The following ACTN1 variants were observed in gnomAD, a reference collection of about 807,000 sequenced individuals.
ACTN1 encodes the protein actinin alpha 1, also known as alpha-actinin-1.
Under a neutral mutation model 119.6 loss-of-function variants are expected in ACTN1, and 30 were observed. The ratio of observed to expected loss-of-function variants is 0.25; its 90% CI spans 0.19 to 0.34. The LOEUF is 0.34. Ranked by LOEUF, ACTN1 falls within the 10% of genes least tolerant of loss-of-function variation. The pLI is 1.00. For synonymous variants in ACTN1, 429 were observed against 472.6 expected (o/e 0.91, Z 1.20); for missense variants, 764 against 1,223.4 (o/e 0.62, Z 5.60).
chr14:68,893,353 A>T (rs113899959), intron 9 of ACTN1, among the ~76,000 whole-genome samples: 14 of 152,312 alleles, frequency 9.2e-5, no homozygotes, highest in African/African-American at 3.4e-4. Flanking sequence ...CTAAGAGTAC[A>T]CTAGGCTGGA....
At chr14:68,954,265 G>C (rs1259900657) in intron 1 of ACTN1, among the ~76,000 whole-genome samples, 1 of 152,150 alleles carries the variant, frequency 6.6e-6, no homozygotes, top group Non-Finnish European at 1.5e-5. Flanking sequence ...CCCAGGGTTA[G>C]TTAGATATGG....
intron 1 of ACTN1, among the ~76,000 whole-genome samples, chr14:68,955,620 G>A (rs1223222418): frequency 1.3e-5 from 2 of 152,154 alleles, no homozygotes; most frequent in Non-Finnish European, 2.9e-5. Flanking sequence ...AGATGTTTGC[G>A]CTCGGTGGCA....
intron 2 of ACTN1, among the ~76,000 whole-genome samples, chr14:68,921,785 T>C (rs1357946773): frequency 6.6e-6 from 1 of 152,070 alleles, no homozygotes; most frequent in Non-Finnish European, 1.5e-5. Flanking sequence ...TAGCAGCCCA[T>C]CCCCATCTGA....
chr14:68,937,637 G>A (rs754554331), intron 1 of ACTN1, among the ~76,000 whole-genome samples: 3 of 152,164 alleles, frequency 2.0e-5, no homozygotes, highest in Non-Finnish European at 4.4e-5. Flanking sequence ...CTGTGCTCTG[G>A]CCAAGTGACC....
At chr14:68,959,680 C>CAG (rs1286079007) in intron 1 of ACTN1, among the ~76,000 whole-genome samples, 1 of 152,112 alleles carries the variant, frequency 6.6e-6, no homozygotes, top group Non-Finnish European at 1.5e-5. Flanking sequence ...CTCATAGAAG[C>CAG]AGAGAGTAGA....
intron 11 of ACTN1, among the ~76,000 whole-genome samples, chr14:68,888,728 C>T (rs1309407347): frequency 6.6e-6 from 1 of 152,118 alleles, no homozygotes; most frequent in Non-Finnish European, 1.5e-5. Flanking sequence ...TCAGGGGCGG[C>T]ACTGGATTCT....
chr14:68,977,917 A>T (rs2037120359), intron 1 of ACTN1: 2 of 455,110 alleles, frequency 4.4e-6, no homozygotes, highest in South Asian at 3.1e-5. Flanking sequence ...AGGGGTATTC[A>T]GGGTACGTGG....
chr14:68,899,036 C>T (rs2033090378), intron 8 of ACTN1, among the ~76,000 whole-genome samples: 1 of 143,422 alleles, frequency 7.0e-6, no homozygotes, highest in Admixed American at 6.8e-5. Context: ...CACACACACA[C>T]ACATGCCACA....
chr14:68,905,253 G>T (rs2033597332), intron 6 of ACTN1, among the ~76,000 whole-genome samples: 1 of 152,220 alleles, frequency 6.6e-6, no homozygotes, highest in Non-Finnish European at 1.5e-5. Context: ...AATAGCCACA[G>T]CTTTGGACTA....
At chr14:68,888,047 G>A (rs2032169127) in intron 11 of ACTN1, 3 of 727,788 alleles carry the variant, frequency 4.1e-6, no homozygotes, top group Non-Finnish European at 7.8e-6. Flanking sequence ...CTTTTCCTTG[G>A]CGGCTCCTTC....
intron 11 of ACTN1, among the ~76,000 whole-genome samples, chr14:68,888,440 G>A (rs909322551): frequency 3.9e-5 from 6 of 152,136 alleles, no homozygotes; most frequent in South Asian, 2.1e-4. Flanking sequence ...CACTCTGCCC[G>A]TCACGTCTGG....
At chr14:68,947,826 C>T (rs983488647) in intron 1 of ACTN1, among the ~76,000 whole-genome samples, 1 of 152,216 alleles carries the variant, frequency 6.6e-6, no homozygotes, top group East Asian at 1.9e-4. Flanking sequence ...AAATAGCAAT[C>T]CGGAGCAGTG....
At chr14:68,912,438 G>C (rs1028334252) in intron 3 of ACTN1, among the ~76,000 whole-genome samples, 196 bp from the exon 4 acceptor site, 22 of 152,136 alleles carry the variant, frequency 1.4e-4, no homozygotes, top group African/African-American at 5.3e-4. Flanking sequence ...GCGTGCAGTG[G>C]TGCAATCATG....
intron 8 of ACTN1, 51 bp from the exon 9 acceptor site, chr14:68,893,798 C>A: frequency 6.4e-7 from 1 of 1,566,856 alleles, no homozygotes; most frequent in South Asian, 1.1e-5. Context: ...GCAGCAGGGG[C>A]ACCTGGTACA....
At chr14:68,911,080 T>C (rs1183960884) in intron 4 of ACTN1, among the ~76,000 whole-genome samples, 1 of 152,220 alleles carries the variant, frequency 6.6e-6, no homozygotes, top group African/African-American at 2.4e-5. Flanking sequence ...GTGGACTGTG[T>C]TCATGAATGA....
chr14:68,950,462 GTA>G (rs764943291), intron 1 of ACTN1, among the ~76,000 whole-genome samples: 26 of 125,652 alleles, frequency 2.1e-4, no homozygotes, highest in South Asian at 2.2e-4. Flanking sequence ...ATGCGTGTGT[GTA>G]TATATATATA....
intron 11 of ACTN1, 31 bp downstream of exon 11, chr14:68,890,107 TG>T (rs756686168): frequency 5.0e-6 from 8 of 1,607,540 alleles, no homozygotes; most frequent in Non-Finnish European, 6.8e-6. Context: ...AGTGAAGCCC[TG>T]GGGGGAGGCA....
intron 1 of ACTN1, among the ~76,000 whole-genome samples, chr14:68,970,443 T>C (rs2036847047): frequency 1.3e-5 from 2 of 152,316 alleles, no homozygotes; most frequent in Non-Finnish European, 2.9e-5. Flanking sequence ...GTGCACAGGC[T>C]TTTAAAATCA....
At chr14:68,951,153 G>A (rs1262178280) in intron 1 of ACTN1, among the ~76,000 whole-genome samples, 4 of 152,154 alleles carry the variant, frequency 2.6e-5, no homozygotes, top group Non-Finnish European at 5.9e-5. Context: ...CATGGCCAGA[G>A]GCAACGGGGT....
Sources: allele counts gnomAD v4.1 joint callset (sites outside exome capture counted in the v4.1 genomes callset), GRCh38; gene constraint gnomAD v4.1.1; transcripts MANE v1.5; gene names NCBI Gene and HGNC (gene_info 2026-07-23, HGNC 2026-07-21).